ITGA9: variants seen among roughly 807,000 people sequenced by gnomAD.
ITGA9 encodes integrin alpha-9.
Under a neutral mutation model 127.8 loss-of-function variants are expected in ITGA9, and 56 were observed. The ratio of observed to expected loss-of-function variants is 0.44; its 90% confidence interval spans 0.35 to 0.55. The LOEUF (loss-of-function observed/expected upper bound fraction) is 0.55. ITGA9 is among the 20% of genes least tolerant of loss of function. The pLI, the probability that ITGA9 is intolerant of heterozygous loss-of-function variation, is 0.00. For synonymous variants in ITGA9, 508 were observed against 514.5 expected, an observed-to-expected ratio of 0.99 and a Z score of 0.17; for missense variants, 1,196 against 1,347.1, an observed-to-expected ratio of 0.89 and a Z score of 1.76.
intron 16 of ITGA9, among the ~76,000 whole-genome samples, chr3:37,653,201 C>G (rs1700445436): frequency 6.6e-6 from 1 of 152,216 alleles, no homozygotes; most frequent in Non-Finnish European, 1.5e-5. Context: ...GCCTGATGGC[C>G]TAATTGCCTT....
At chr3:37,533,497 A>G (rs759268821) in intron 14 of ITGA9, 29 bp downstream of exon 14, 3 of 1,611,306 alleles carry the variant, frequency 1.9e-6, no homozygotes, top group Non-Finnish European at 2.5e-6. Context: ...AGGGCTCAGG[A>G]TACCCGTTTA....
intron 15 of ITGA9, among the ~76,000 whole-genome samples, chr3:37,566,442 G>T (rs193246403): frequency 6.6e-6 from 1 of 152,294 alleles, no homozygotes; most frequent in Non-Finnish European, 1.5e-5. Context: ...CCTTTACCCG[G>T]CTTTTCCCAA....
Position 37,517,513 on chromosome 3 carries a change from G to A in ITGA9, c.1045G>A (p.Glu349Lys), listed in dbSNP as rs1374429008. The change falls in exon 10 of 28, where the codon GAG becomes AAG. Residue 349 changes from glutamate to lysine, a missense_variant. Glu to Lys is a moderately conservative substitution (Grantham distance 56, BLOSUM62 1). Transcript: ENST00000264741. ...VYINRGNGAL[E>K]EQLALTGDGA... ...CCATCCTGTTTCCCAGGGAGCCCTC[G>A]AGGAGCAGCTGGCTCTGACTGGGGA... 10 of 1,591,318 alleles carry A rather than the reference G, an allele frequency of 6.3e-6. No homozygotes were observed. Among genetic ancestry groups the A allele is most frequent in the Admixed American group, 3.5e-5 (2 of 57,104 alleles).
chr3:37,726,931 C>T (rs1696213567), intron 18 of ITGA9, among the ~76,000 whole-genome samples: 2 of 152,174 alleles, frequency 1.3e-5, no homozygotes, highest in South Asian at 4.1e-4. Context: ...GGGGTTATGT[C>T]CTGATAAACC....
chr3:37,750,409 T>C (rs1310119906), intron 22 of ITGA9, 53 bp from the exon 23 acceptor site: 15 of 1,009,584 alleles, frequency 1.5e-5, no homozygotes, highest in African/African-American at 3.2e-5. Flanking sequence ...TGACAGGAAA[T>C]GGAGGTCTGC....
In ITGA9 at chr3:37,735,237, A is replaced by G. The variant is rs1339845333; in HGVS notation, c.2155-1667A>G. 2.6e-5 allele frequency among the ~76,000 whole-genome samples: 4 copies of G among 152,194 alleles called. No homozygotes were observed. In the East Asian group the frequency reaches 7.7e-4, roughly 29 times the overall value. On this transcript the variant is annotated intron_variant, in intron 19 of 27. Coordinates refer to ENST00000264741, the MANE Select transcript of ITGA9 (RefSeq NM_002207.3). ...TGTGCTCTTTAATGTTTTTAATTTA[A>G]TTCAGATCTCCTCCCAGTGCTGACT...
chr3:37,714,533 C>T (rs1394611884), intron 18 of ITGA9, among the ~76,000 whole-genome samples: 5 of 152,186 alleles, frequency 3.3e-5, no homozygotes, highest in Non-Finnish European at 5.9e-5. Context: ...GCTGATTCTT[C>T]CCCTCTCCTA....
At chr3:37,551,820 T>C (rs1384257807) in intron 15 of ITGA9, among the ~76,000 whole-genome samples, 1 of 152,248 alleles carries the variant, frequency 6.6e-6, no homozygotes. Context: ...TTGCCATCTC[T>C]ATCCTCCAAC....
chr3:37,535,782 G>T lies in ITGA9; in HGVS notation c.1528+2314G>T, dbSNP rs142321629. Among the ~76,000 whole-genome samples, 61 of 152,308 alleles carry T rather than the reference G, an allele frequency of 4.0e-4. 1 individual carries two copies. Among genetic ancestry groups the T allele is most frequent in the South Asian group, 1.2e-3 (6 of 4,828 alleles). On this transcript the variant is annotated intron_variant, in intron 14 of 27. Transcript: ENST00000264741. ...AGGCTTAAAGGGGATGGTAACTGGA[G>T]AATTTTGATATCTCAATATAATAAG...
At chr3:37,554,350 G>A (rs903855989) in intron 15 of ITGA9, among the ~76,000 whole-genome samples, 1 of 151,988 alleles carries the variant, frequency 6.6e-6, no homozygotes, top group Non-Finnish European at 1.5e-5. Context: ...TGTCTGGTGT[G>A]TCTGAGGAGG....
intron 10 of ITGA9, among the ~76,000 whole-genome samples, chr3:37,518,899 C>T (rs967660961): frequency 1.3e-5 from 2 of 150,632 alleles, no homozygotes; most frequent in Non-Finnish European, 2.9e-5. Context: ...ATTCTCTTGC[C>T]TCAGCCTCCA....
chr3:37,522,973 A>G (rs1055034820), intron 11 of ITGA9, among the ~76,000 whole-genome samples: 2 of 152,196 alleles, frequency 1.3e-5, no homozygotes, highest in African/African-American at 2.4e-5. Flanking sequence ...TCCAGAATCT[A>G]TAGATCATCT....
chr3:37,793,313 A>C (rs1436786339), intron 26 of ITGA9, among the ~76,000 whole-genome samples: 2 of 151,488 alleles, frequency 1.3e-5, no homozygotes, highest in Non-Finnish European at 2.9e-5. Flanking sequence ...CTTTCACTAG[A>C]TGCTAGTTAT....
At chr3:37,492,766 G>T (rs971867215) in intron 4 of ITGA9, among the ~76,000 whole-genome samples, 2 of 152,172 alleles carry the variant, frequency 1.3e-5, no homozygotes, top group South Asian at 4.1e-4. Flanking sequence ...TTACAATTGG[G>T]TGTTTAGTCT....
At chr3:37,654,189 T>TA (rs1559559107) in intron 17 of ITGA9, among the ~76,000 whole-genome samples, 1,408 of 94,146 alleles carry the variant, frequency 0.015, 29 homozygotes, top group African/African-American at 0.06. Context: ...CCCTCCTGCC[T>TA]CCACACACAC....
chr3:37,672,006 T>C (rs1700640931), intron 17 of ITGA9, among the ~76,000 whole-genome samples: 1 of 152,226 alleles, frequency 6.6e-6, no homozygotes, highest in African/African-American at 2.4e-5. Context: ...ATGTTGCTGT[T>C]TGGATTTTTT....
intron 8 of ITGA9, among the ~76,000 whole-genome samples, chr3:37,512,323 G>A (rs1264252004): frequency 6.6e-6 from 1 of 150,686 alleles, no homozygotes; most frequent in East Asian, 1.9e-4. Context: ...AGGTTCAAGC[G>A]ATTCTCCTGC....
intron 18 of ITGA9, among the ~76,000 whole-genome samples, chr3:37,706,549 G>T (rs532054739): frequency 6.6e-6 from 1 of 152,260 alleles, no homozygotes; most frequent in East Asian, 1.9e-4. Flanking sequence ...AAGTCACCTA[G>T]AAATGCTTAC....
chr3:37,550,426 G>A (rs1427887654), intron 15 of ITGA9, among the ~76,000 whole-genome samples: 1 of 152,216 alleles, frequency 6.6e-6, no homozygotes, highest in Non-Finnish European at 1.5e-5. Context: ...ATGTTCTAGA[G>A]CAGTGATGTG....
Sources: gnomAD v4.1 joint callset for allele counts (sites outside exome capture counted in the v4.1 genomes callset) on GRCh38, gnomAD v4.1.1 for gene constraint, MANE v1.5 for transcripts, NCBI Gene and HGNC (gene_info 2026-07-23, HGNC 2026-07-21) for gene names.